The following PDK3 variants were observed in gnomAD, a reference collection of about 807,000 sequenced individuals.
PDK3 encodes pyruvate dehydrogenase kinase 3, also known as pyruvate dehydrogenase kinase, isozyme 3.
PDK3 carries 12 observed loss-of-function variants against 32.0 expected under a neutral mutation model. The ratio of observed to expected loss-of-function variants is 0.37; its 90% CI spans 0.24 to 0.61. PDK3 has a LOEUF of 0.61. Among genes scored for constraint, PDK3 ranks in the 20% least tolerant of loss-of-function variants. PDK3 has a pLI of 0.65. For synonymous variants in PDK3, 122 were observed against 116.3 expected, an observed-to-expected ratio of 1.05 and a Z score of -0.31; for missense variants, 188 against 316.9, an observed-to-expected ratio of 0.59 and a Z score of 3.09.
chrX:24,546,696 ATGT>A (rs1923003213), exon 12 of PDK3: 1 of 111,719 alleles, frequency 9.0e-6, no homozygotes, highest in African/African-American at 3.3e-5. Flanking sequence ...GCCTTAGAAC[ATGT>A]TGTCTGTCTG....
intron 3 of PDK3, among the ~76,000 whole-genome samples, chrX:24,502,833 G>C (rs1413324808): frequency 1.8e-5 from 2 of 111,780 alleles, no homozygotes; most frequent in Non-Finnish European, 3.8e-5. Context: ...GACAGAGTGA[G>C]ACTCCGTCAA....
At chrX:24,510,665 C>T (rs1226963032) in intron 5 of PDK3, among the ~76,000 whole-genome samples, 1 of 112,096 alleles carries the variant, frequency 8.9e-6, no homozygotes, top group African/African-American at 3.2e-5. Context: ...GAATTTGATA[C>T]CCCATGGTAG....
intron 1 of PDK3, among the ~76,000 whole-genome samples, chrX:24,486,810 T>C (rs1224695428): frequency 9.0e-6 from 1 of 111,067 alleles, no homozygotes; most frequent in Non-Finnish European, 1.9e-5. Flanking sequence ...TTTTATTTTT[T>C]TGTGGAGACT....
At chrX:24,505,784 C>T (rs1371226491) in intron 5 of PDK3, among the ~76,000 whole-genome samples, 1 of 111,755 alleles carries the variant, frequency 8.9e-6, no homozygotes, top group African/African-American at 3.3e-5. Flanking sequence ...AAGAACCAAG[C>T]CCTATATCCG....
At chrX:24,535,471 C>T (rs1185334720), downstream of PDK3, among the ~76,000 whole-genome samples, 2 of 99,433 alleles carry the variant, frequency 2.0e-5, no homozygotes, top group African/African-American at 3.8e-5. Context: ...TACCACTGCA[C>T]TCCAGCCTGG....
rs752949944 is a variant in PDK3, at chrX:24,469,225, G to A, written c.106+3664G>A. Among the ~76,000 whole-genome samples the A allele has an allele frequency of 1.1e-3, 118 of 111,733 alleles. 1 individual carries two copies. The highest frequency in any genetic ancestry group is 9.3e-3 in the Middle Eastern group (2 of 216). On this transcript the variant is annotated intron_variant, in intron 1 of 10. Coordinates refer to ENST00000379162, the MANE Select transcript of PDK3 (RefSeq NM_005391.5). ...GCATTGTCATTTCATGCATGTCCGC[G>A]TGTATCTGTAGGACAGATTCCTAAA...
At chrX:24,501,540 C>T (rs765402063) in intron 3 of PDK3, among the ~76,000 whole-genome samples, 4 of 112,404 alleles carry the variant, frequency 3.6e-5, no homozygotes, top group Admixed American at 2.8e-4. Flanking sequence ...ATGGTGAAAC[C>T]CTGTCTCTAC....
chrX:24,528,022 A>G, intron 8 of PDK3, 54 bp from the exon 9 acceptor site: 1 of 698,914 alleles, frequency 1.4e-6, no homozygotes, highest in East Asian at 3.2e-5. Flanking sequence ...ATTGCCTCCT[A>G]CTAAGTATAG....
chrX:24,515,523 A>G (rs1406680424), intron 5 of PDK3, among the ~76,000 whole-genome samples: 1 of 112,029 alleles, frequency 8.9e-6, no homozygotes. Context: ...TTTATTACAT[A>G]CCTGGAGGAG....
At chrX:24,517,727 C>T (rs961461950) in intron 5 of PDK3, among the ~76,000 whole-genome samples, 2 of 112,561 alleles carry the variant, frequency 1.8e-5, no homozygotes, top group Non-Finnish European at 1.9e-5. Flanking sequence ...TGTCTTCCGG[C>T]TGTTTCTGTA....
intron 2 of PDK3, among the ~76,000 whole-genome samples, chrX:24,495,136 G>A (rs1312187922): frequency 8.9e-6 from 1 of 112,157 alleles, no homozygotes; most frequent in African/African-American, 3.2e-5. Flanking sequence ...TGTGTGTGGT[G>A]GGATTGCAGT....
chrX:24,485,608 C>G, intron 1 of PDK3, among the ~76,000 whole-genome samples: 2 of 111,458 alleles, frequency 1.8e-5, no homozygotes, highest in Admixed American at 1.9e-4. Flanking sequence ...GACAGAAGGG[C>G]CACCCTCTGT....
At chrX:24,487,618 G>A (rs1346040655) in intron 1 of PDK3, among the ~76,000 whole-genome samples, 1 of 111,320 alleles carries the variant, frequency 9.0e-6, no homozygotes, top group East Asian at 2.8e-4. Context: ...GATATTAATC[G>A]AAAGCATTTA....
At chrX:24,538,168 A>G (rs1198042305), downstream of PDK3, among the ~76,000 whole-genome samples, 1 of 112,428 alleles carries the variant, frequency 8.9e-6, no homozygotes, top group Non-Finnish European at 1.9e-5. Context: ...CAATTTTTAA[A>G]CTAAGGTTTA....
At chrX:24,502,703 G>A (rs5986515) in intron 3 of PDK3, among the ~76,000 whole-genome samples, 37,309 of 109,905 alleles carry the variant, frequency 0.34, 4,617 homozygotes, top group Middle Eastern at 0.4. Flanking sequence ...AATTAGCCAG[G>A]CGTGGTGGCG....
downstream of PDK3, among the ~76,000 whole-genome samples, chrX:24,535,007 A>T (rs937328310): frequency 8.9e-6 from 1 of 112,040 alleles, no homozygotes; most frequent in African/African-American, 3.2e-5. Flanking sequence ...TTATCACAAT[A>T]AAAAATGTTA....
At chrX:24,500,520 C>T (rs1050377617) in intron 3 of PDK3, among the ~76,000 whole-genome samples, 2 of 112,357 alleles carry the variant, frequency 1.8e-5, no homozygotes, top group African/African-American at 6.5e-5. Context: ...TTTATGGCCA[C>T]GAGCCTGCTT....
chrX:24,531,049 TTG>T (rs760426568), intron 9 of PDK3, among the ~76,000 whole-genome samples: 51 of 97,865 alleles, frequency 5.2e-4, no homozygotes, highest in South Asian at 2.0e-3. Context: ...GAATGTGCTT[TTG>T]TGTGTGTGTG....
At chrX:24,532,871 G>A (rs778994241) in intron 10 of PDK3, among the ~76,000 whole-genome samples, 3 of 110,641 alleles carry the variant, frequency 2.7e-5, no homozygotes, top group African/African-American at 9.8e-5. Flanking sequence ...GGCATAACAT[G>A]CCACTGTGGG....
Sources: gnomAD v4.1 joint callset for allele counts (sites outside exome capture counted in the v4.1 genomes callset) on GRCh38, gnomAD v4.1.1 for gene constraint, MANE v1.5 for transcripts, NCBI Gene and HGNC (gene_info 2026-07-23, HGNC 2026-07-21) for gene names.